Variants in OPCML observed in about 807,000 individuals in gnomAD.
The protein encoded by OPCML is opioid binding protein/cell adhesion molecule like.
Under a neutral mutation model 37.8 loss-of-function variants are expected in OPCML, and 13 were observed. The ratio of observed to expected loss-of-function variants is 0.34; its 90% confidence interval spans 0.22 to 0.55. The LOEUF (loss-of-function observed/expected upper bound fraction) is 0.55, where lower values mean the gene tolerates loss of function less well. OPCML is among the 20% of genes least tolerant of loss of function. OPCML has a pLI of 0.91. For synonymous variants in OPCML, 176 were observed against 168.8 expected, an observed-to-expected ratio of 1.04 and a Z score of -0.33; for missense variants, 341 against 435.6, an observed-to-expected ratio of 0.78 and a Z score of 1.93.
At chr11:132,640,115 G>A (rs1049324548) in intron 3 of OPCML, among the ~76,000 whole-genome samples, 10 of 152,210 alleles carry the variant, frequency 6.6e-5, no homozygotes, top group African/African-American at 2.4e-4. Flanking sequence ...CACCCTGGCA[G>A]AGTTGCCCTG....
intron 1 of OPCML, among the ~76,000 whole-genome samples, chr11:133,325,237 G>A (rs1305798891): frequency 6.6e-6 from 1 of 152,244 alleles, no homozygotes; most frequent in East Asian, 1.9e-4. Context: ...GCGAATGCGA[G>A]AAGTTCTGAT....
intron 1 of OPCML, among the ~76,000 whole-genome samples, chr11:133,085,582 T>TA (rs1565439909): frequency 6.6e-6 from 1 of 152,236 alleles, no homozygotes; most frequent in Non-Finnish European, 1.5e-5. Context: ...GGCAGTGGTG[T>TA]AGCCTGATGA....
At chr11:133,272,927 A>G (rs536216507) in intron 1 of OPCML, among the ~76,000 whole-genome samples, 86 of 152,302 alleles carry the variant, frequency 5.6e-4, no homozygotes, top group Admixed American at 2.0e-3. Flanking sequence ...TTGTTGGAAA[A>G]TTACGGGCCT....
chr11:132,805,897 A>G, intron 2 of OPCML, among the ~76,000 whole-genome samples: 1 of 152,218 alleles, frequency 6.6e-6, no homozygotes, highest in Non-Finnish European at 1.5e-5. Flanking sequence ...AAAAACTGCT[A>G]TTTATAGCAA....
intron 3 of OPCML, among the ~76,000 whole-genome samples, chr11:132,559,959 A>G (rs770527660): frequency 2.0e-5 from 3 of 152,350 alleles, no homozygotes; most frequent in Non-Finnish European, 2.9e-5. Context: ...CCCTCACTTT[A>G]TATAAAAGCC....
chr11:132,823,062 T>A (rs921928167), intron 2 of OPCML, among the ~76,000 whole-genome samples: 1 of 152,244 alleles, frequency 6.6e-6, no homozygotes, highest in African/African-American at 2.4e-5. Context: ...TATTTCTTCA[T>A]AGATTATATT....
chr11:133,108,517 T>C (rs1171571759), intron 1 of OPCML, among the ~76,000 whole-genome samples: 1 of 152,112 alleles, frequency 6.6e-6, no homozygotes. Flanking sequence ...TGTCGTGCGC[T>C]AGAGCTTTCC....
chr11:132,612,401 A>G (rs769447934), intron 3 of OPCML, among the ~76,000 whole-genome samples: 2 of 152,220 alleles, frequency 1.3e-5, no homozygotes, highest in Non-Finnish European at 2.9e-5. Context: ...ACTAAGTGGC[A>G]TAATGAGCCA....
chr11:133,283,027 A>C (rs1336534457), intron 1 of OPCML, among the ~76,000 whole-genome samples: 2 of 152,152 alleles, frequency 1.3e-5, no homozygotes, highest in Non-Finnish European at 2.9e-5. Context: ...AGAAGAAGAT[A>C]AGTCTCAGAT....
intron 1 of OPCML, among the ~76,000 whole-genome samples, chr11:133,223,148 T>A (rs575752235): frequency 6.6e-6 from 1 of 152,180 alleles, no homozygotes; most frequent in Non-Finnish European, 1.5e-5. Flanking sequence ...GAAGGAAGTG[T>A]CTCAATTACC....
At chr11:133,016,176 G>A (rs938201636) in intron 1 of OPCML, among the ~76,000 whole-genome samples, 5 of 152,200 alleles carry the variant, frequency 3.3e-5, no homozygotes, top group East Asian at 1.9e-4. Context: ...TTATCTCAAA[G>A]TGTGTAGGTC....
At chr11:133,140,781 A>AGAAGAC (rs1555102394) in intron 1 of OPCML, among the ~76,000 whole-genome samples, 1 of 138,314 alleles carries the variant, frequency 7.2e-6, no homozygotes, top group South Asian at 2.4e-4. Context: ...AAGAAGAAGA[A>AGAAGAC]GACGACGAAG....
chr11:132,470,672 A>G (rs928796166), intron 4 of OPCML, among the ~76,000 whole-genome samples: 4 of 152,164 alleles, frequency 2.6e-5, no homozygotes, highest in Middle Eastern at 3.2e-3. Context: ...GTGATCATAG[A>G]TATCATTAGC....
intron 1 of OPCML, among the ~76,000 whole-genome samples, chr11:132,955,152 G>A (rs778903317): frequency 4.6e-5 from 7 of 152,272 alleles, no homozygotes; most frequent in South Asian, 2.1e-4. Flanking sequence ...CATGCTGGAC[G>A]GAGATGGGGA....
intron 1 of OPCML, among the ~76,000 whole-genome samples, chr11:133,358,532 G>A (rs1200408176): frequency 1.3e-5 from 2 of 152,128 alleles, no homozygotes; most frequent in Non-Finnish European, 2.9e-5. Context: ...TTTGTGGTGG[G>A]CCTTTTTCAA....
At chr11:133,063,038 T>G (rs749064019) in intron 1 of OPCML, among the ~76,000 whole-genome samples, 5 of 152,176 alleles carry the variant, frequency 3.3e-5, no homozygotes, top group Admixed American at 1.3e-4. Context: ...GGCTTTGGGG[T>G]CATGGAGTTT....
At chr11:132,946,196 C>A (rs1365803170) in intron 1 of OPCML, among the ~76,000 whole-genome samples, 1 of 152,186 alleles carries the variant, frequency 6.6e-6, no homozygotes, top group African/African-American at 2.4e-5. Flanking sequence ...TTTCCTCACA[C>A]TGGAAGAGCT....
chr11:133,016,863 A>G (rs1379097867), intron 1 of OPCML, among the ~76,000 whole-genome samples: 6 of 152,202 alleles, frequency 3.9e-5, no homozygotes, highest in Non-Finnish European at 8.8e-5. Context: ...AATGAGGCCT[A>G]TGTTCTTGGT....
At chr11:132,708,242 A>T (rs569814194) in intron 2 of OPCML, among the ~76,000 whole-genome samples, 2 of 152,340 alleles carry the variant, frequency 1.3e-5, no homozygotes, top group South Asian at 4.1e-4. Context: ...ACAGTTATGT[A>T]ACTATAACTC....
Sources: allele counts gnomAD v4.1 joint callset (sites outside exome capture counted in the v4.1 genomes callset), GRCh38; gene constraint gnomAD v4.1.1; transcripts MANE v1.5; gene names NCBI Gene and HGNC (gene_info 2026-07-23, HGNC 2026-07-21).